The following LNX1 variants were observed in gnomAD, a reference collection of about 807,000 sequenced individuals.
LNX1 encodes E3 ubiquitin-protein ligase LNX.
LNX1 carries 54 observed loss-of-function variants against 68.4 expected under a neutral mutation model. That is an observed-to-expected ratio of 0.79 (90% confidence interval 0.63 to 0.99). The LOEUF (loss-of-function observed/expected upper bound fraction) is 0.99. Ranked by LOEUF, LNX1 falls within the 50% of genes least tolerant of loss-of-function variation. LNX1 has a pLI of 0.00. For missense variants in LNX1, 906 were observed against 926.4 expected, an observed-to-expected ratio of 0.98 and a Z score of 0.29; for synonymous variants, 336 against 350.0, an observed-to-expected ratio of 0.96 and a Z score of 0.45.
At chr4:53,580,807 T>C (rs187652746) in intron 1 of LNX1, among the ~76,000 whole-genome samples, 18 of 152,282 alleles carry the variant, frequency 1.2e-4, no homozygotes, top group Non-Finnish European at 2.5e-4. Flanking sequence ...ATCTGAGGAA[T>C]GTGGGGCTCT....
At chr4:53,647,783 C>T (rs1488043885) in intron 1 of LNX1, among the ~76,000 whole-genome samples, 1 of 152,244 alleles carries the variant, frequency 6.6e-6, no homozygotes, top group Non-Finnish European at 1.5e-5. Flanking sequence ...TTCCCTCAGC[C>T]CCCGGCAACT....
At chr4:53,624,212 CTT>C (rs1210445604) in intron 1 of LNX1, among the ~76,000 whole-genome samples, 4 of 152,128 alleles carry the variant, frequency 2.6e-5, no homozygotes, top group African/African-American at 7.2e-5. Context: ...CTATTTCTCT[CTT>C]ATGTGATTTG....
intron 1 of LNX1, among the ~76,000 whole-genome samples, chr4:53,631,785 C>A (rs1443629932): frequency 6.6e-6 from 1 of 151,960 alleles, no homozygotes; most frequent in Non-Finnish European, 1.5e-5. Flanking sequence ...AACCTGGCTG[C>A]AAACAGTCAC....
chr4:53,569,278 G>T (rs1483004923), intron 2 of LNX1, among the ~76,000 whole-genome samples: 1 of 149,222 alleles, frequency 6.7e-6, no homozygotes, highest in Non-Finnish European at 1.5e-5. Context: ...CAAGGCTACA[G>T]TAACCAAAAC....
chr4:53,651,118 A>C (rs1735080545), intron 1 of LNX1, among the ~76,000 whole-genome samples: 1 of 152,192 alleles, frequency 6.6e-6, no homozygotes, highest in African/African-American at 2.4e-5. Flanking sequence ...CAGACAGTCT[A>C]ATTCCTCAGG....
chr4:53,555,990 G>A (rs898099215), intron 2 of LNX1, among the ~76,000 whole-genome samples: 2 of 152,156 alleles, frequency 1.3e-5, no homozygotes, highest in African/African-American at 4.8e-5. Flanking sequence ...TGTAGGAATA[G>A]CAGGAATCTG....
chr4:53,642,707 C>T (rs1373144791), intron 1 of LNX1, among the ~76,000 whole-genome samples: 1 of 152,184 alleles, frequency 6.6e-6, no homozygotes, highest in Non-Finnish European at 1.5e-5. Flanking sequence ...CTCTACTCAC[C>T]AAAATCAGCA....
At chr4:53,473,307 A>G (rs1380559292) in intron 9 of LNX1, among the ~76,000 whole-genome samples, 1 of 152,178 alleles carries the variant, frequency 6.6e-6, no homozygotes, top group Non-Finnish European at 1.5e-5. Flanking sequence ...GAACAGAAAT[A>G]ATATTGAAAA....
At chr4:53,477,751 C>A (rs1356260414) in intron 8 of LNX1, among the ~76,000 whole-genome samples, 1 of 151,940 alleles carries the variant, frequency 6.6e-6, no homozygotes, top group Non-Finnish European at 1.5e-5. Context: ...CTTTCTTATA[C>A]AGAATAACCA....
intron 2 of LNX1, among the ~76,000 whole-genome samples, chr4:53,598,011 G>T (rs1221357741): frequency 1.3e-5 from 2 of 152,114 alleles, no homozygotes; most frequent in African/African-American, 4.8e-5. Flanking sequence ...CTACAAACAG[G>T]TGAAGAGACT....
intron 1 of LNX1, among the ~76,000 whole-genome samples, chr4:53,641,433 C>T (rs561371924): frequency 1.5e-4 from 23 of 152,336 alleles, no homozygotes; most frequent in Non-Finnish European, 1.6e-4. Context: ...ATTATCCAGG[C>T]AGTGCTGAAG....
chr4:53,576,402 A>AGTC, intron 1 of LNX1: 2 of 1,531,422 alleles, frequency 1.3e-6, no homozygotes, highest in South Asian at 2.6e-5. Context: ...TCACATGACC[A>AGTC]GTCCTATTCA....
At chr4:53,514,061 T>G (rs1386788856) in intron 2 of LNX1, among the ~76,000 whole-genome samples, 1 of 152,206 alleles carries the variant, frequency 6.6e-6, no homozygotes, top group Non-Finnish European at 1.5e-5. Flanking sequence ...ATCCAGTTTG[T>G]TCCTGCATCT....
intron 2 of LNX1, among the ~76,000 whole-genome samples, chr4:53,553,803 C>T (rs1729689880): frequency 6.6e-6 from 1 of 152,144 alleles, no homozygotes; most frequent in Admixed American, 6.5e-5. Context: ...GTTATTCTGT[C>T]GGATTCACTG....
At chr4:53,558,930 C>T (rs1730101468) in intron 2 of LNX1, among the ~76,000 whole-genome samples, 1 of 152,186 alleles carries the variant, frequency 6.6e-6, no homozygotes, top group Admixed American at 6.5e-5. Context: ...GCATCACCGG[C>T]CTCAACACTA....
upstream of LNX1, among the ~76,000 whole-genome samples, chr4:53,593,660 A>C (rs561618799): frequency 6.6e-5 from 10 of 152,294 alleles, no homozygotes; most frequent in Non-Finnish European, 1.0e-4. Flanking sequence ...GGTTAAAAAA[A>C]ATAATATGGG....
chr4:53,636,876 G>C (rs983100545), intron 1 of LNX1, among the ~76,000 whole-genome samples: 12 of 151,606 alleles, frequency 7.9e-5, no homozygotes, highest in African/African-American at 2.7e-4. Flanking sequence ...GTCATGTTCT[G>C]TAGTTTAAAA....
intron 2 of LNX1, among the ~76,000 whole-genome samples, chr4:53,605,861 T>C (rs751329730): frequency 2.8e-4 from 43 of 152,342 alleles, no homozygotes; most frequent in Non-Finnish European, 4.9e-4. Context: ...TTGGCTATTA[T>C]GAATCATGCT....
chr4:53,468,579 C>T (rs1722883583), intron 9 of LNX1, among the ~76,000 whole-genome samples: 1 of 152,156 alleles, frequency 6.6e-6, no homozygotes, highest in South Asian at 2.1e-4. Flanking sequence ...CATCAGTGTG[C>T]TGTATTCAGG....
Sources: allele counts gnomAD v4.1 joint callset (sites outside exome capture counted in the v4.1 genomes callset), GRCh38; gene constraint gnomAD v4.1.1; transcripts MANE v1.5; gene names NCBI Gene and HGNC (gene_info 2026-07-23, HGNC 2026-07-21).